ARK2C: variants seen among roughly 807,000 people sequenced by gnomAD.
ARK2C encodes arkadia (RNF111) C-terminal like ring finger ubiquitin ligase 2C, also known as E3 ubiquitin-protein ligase ARK2C.
the ARK2C span, among the ~76,000 whole-genome samples, chr18:46,369,452 A>G: frequency 6.6e-6 from 1 of 152,256 alleles, no homozygotes; most frequent in Non-Finnish European, 1.5e-5. Context: ...GAGGTGAGAC[A>G]GGCCAGCTTC....
At chr18:46,362,989 A>G in the ARK2C span, among the ~76,000 whole-genome samples, 1 of 152,252 alleles carries the variant, frequency 6.6e-6, no homozygotes, top group African/African-American at 2.4e-5. Flanking sequence ...CCACGCCCAC[A>G]GAAAAAGTGT....
chr18:46,335,850 C>A, the ARK2C span: 1 of 969,788 alleles, frequency 1.0e-6, no homozygotes, highest in Non-Finnish European at 1.2e-6. Context: ...TGATGACATT[C>A]TGCATTTATC....
At chr18:46,435,124 T>C in the ARK2C span, among the ~76,000 whole-genome samples, 1 of 152,046 alleles carries the variant, frequency 6.6e-6, no homozygotes, top group Non-Finnish European at 1.5e-5. Flanking sequence ...GAAGCTTCCT[T>C]GGAGTTTGTC....
At chr18:46,393,157 G>A in the ARK2C span, among the ~76,000 whole-genome samples, 4 of 152,180 alleles carry the variant, frequency 2.6e-5, no homozygotes, top group Admixed American at 6.5e-5. Flanking sequence ...TACTGACATC[G>A]TGGGTCTGTT....
chr18:46,354,975 A>T, the ARK2C span, among the ~76,000 whole-genome samples: 1 of 152,068 alleles, frequency 6.6e-6, no homozygotes, highest in Non-Finnish European at 1.5e-5. Flanking sequence ...TTTGAGACTG[A>T]GTCTCACTCT....
the ARK2C span, among the ~76,000 whole-genome samples, chr18:46,443,952 T>C: frequency 7.9e-5 from 12 of 152,310 alleles, 1 homozygote; most frequent in African/African-American, 2.6e-4. Context: ...CAGTGCACTC[T>C]CTCAACTTTT....
At chr18:46,383,618 G>T in the ARK2C span, among the ~76,000 whole-genome samples, 15 of 144,146 alleles carry the variant, frequency 1.0e-4, no homozygotes, top group Non-Finnish European at 1.6e-4. Context: ...ACAGTGGTGC[G>T]ATCTCAGCTC....
chr18:46,444,552 C>A, the ARK2C span, among the ~76,000 whole-genome samples: 3 of 152,088 alleles, frequency 2.0e-5, no homozygotes, highest in African/African-American at 7.2e-5. Flanking sequence ...GTAGCCTCAA[C>A]TTCCTGGGCT....
the ARK2C span, among the ~76,000 whole-genome samples, chr18:46,344,817 A>T: frequency 6.6e-6 from 1 of 152,134 alleles, no homozygotes; most frequent in Non-Finnish European, 1.5e-5. Flanking sequence ...TGTGTCCCCA[A>T]CCTCTGTGCT....
chr18:46,381,999 G>A, the ARK2C span, among the ~76,000 whole-genome samples: 2 of 152,210 alleles, frequency 1.3e-5, no homozygotes, highest in African/African-American at 4.8e-5. Flanking sequence ...GAGATGCTCT[G>A]CAGGAGCCCC....
At chr18:46,450,579 T>A in the ARK2C span, 1 of 826,250 alleles carries the variant, frequency 1.2e-6, no homozygotes, top group Middle Eastern at 2.8e-4. Flanking sequence ...CAGCATCAGA[T>A]GAGTTCTTCC....
the ARK2C span, among the ~76,000 whole-genome samples, chr18:46,342,071 C>T: frequency 2.0e-5 from 3 of 152,126 alleles, no homozygotes; most frequent in Non-Finnish European, 2.9e-5. Context: ...GGGGTTTTTT[C>T]GCAATTCAAA....
chr18:46,414,102 C>A, the ARK2C span, among the ~76,000 whole-genome samples: 2 of 152,174 alleles, frequency 1.3e-5, no homozygotes, highest in Admixed American at 1.3e-4. Flanking sequence ...CCACGGCCTT[C>A]TGGAGGTAGA....
the ARK2C span, among the ~76,000 whole-genome samples, chr18:46,359,109 T>C: frequency 6.6e-6 from 1 of 152,198 alleles, no homozygotes; most frequent in Non-Finnish European, 1.5e-5. Flanking sequence ...ACTTCCTTCA[T>C]AGGGCTCCCA....
chr18:46,420,568 G>A, the ARK2C span, among the ~76,000 whole-genome samples: 1 of 152,074 alleles, frequency 6.6e-6, no homozygotes, highest in East Asian at 1.9e-4. Context: ...GTTTGGGCCA[G>A]ATGCGGTGGC....
chr18:46,366,417 C>T, the ARK2C span, among the ~76,000 whole-genome samples: 5 of 152,122 alleles, frequency 3.3e-5, no homozygotes, highest in South Asian at 2.1e-4. Flanking sequence ...CTCCCTTCTC[C>T]GCAAGCCCAG....
At chr18:46,372,999 G>A in the ARK2C span, among the ~76,000 whole-genome samples, 1 of 152,366 alleles carries the variant, frequency 6.6e-6, no homozygotes. Context: ...GAAACTGGAA[G>A]CTCTGTGTGT....
the ARK2C span, among the ~76,000 whole-genome samples, chr18:46,422,389 G>T: frequency 4.6e-5 from 7 of 152,206 alleles, no homozygotes; most frequent in African/African-American, 1.7e-4. Flanking sequence ...GTGGGCCATT[G>T]AGAGACTCAG....
the ARK2C span, among the ~76,000 whole-genome samples, chr18:46,376,290 A>G: frequency 3.9e-4 from 59 of 152,372 alleles, no homozygotes; most frequent in African/African-American, 1.3e-3. Flanking sequence ...AAGAATCTCT[A>G]TGAGGTAAAT....
Sources: gnomAD v4.1 joint callset for allele counts (sites outside exome capture counted in the v4.1 genomes callset) on GRCh38, gnomAD v4.1.1 for gene constraint, MANE v1.5 for transcripts, NCBI Gene and HGNC (gene_info 2026-07-23, HGNC 2026-07-21) for gene names.